Variants in AXDND1 observed in about 807,000 individuals in gnomAD.
AXDND1 encodes the protein axonemal dynein light chain domain-containing protein 1.
Under a neutral mutation model 137.5 loss-of-function variants are expected in AXDND1, and 110 were observed. That is an observed-to-expected ratio of 0.80 (90% confidence interval 0.69 to 0.94). AXDND1 has a LOEUF of 0.94. AXDND1 is among the 40% of genes least tolerant of loss of function. The pLI is 0.00. For missense variants in AXDND1, 1,191 were observed against 1,169.8 expected (o/e 1.02, Z -0.26); for synonymous variants, 414 against 399.7 (o/e 1.04, Z -0.43).
chr1:179,392,345 T>C (rs191284380), intron 9 of AXDND1, among the ~76,000 whole-genome samples: 102 of 152,380 alleles, frequency 6.7e-4, no homozygotes, highest in African/African-American at 2.4e-3. Context: ...ATAGTGTGTA[T>C]ATACCACATT....
intron 12 of AXDND1, among the ~76,000 whole-genome samples, chr1:179,425,901 A>G (rs534730497): frequency 1.3e-5 from 2 of 148,780 alleles, no homozygotes; most frequent in South Asian, 2.1e-4. Flanking sequence ...CAGTGGCACA[A>G]TCTCGGCTCA....
rs372523633 is a variant in AXDND1 at position 179,491,546 on chromosome 1, G to C, written c.2100G>C (p.Glu700Asp). 57 of 1,599,678 alleles carry C rather than the reference G, an allele frequency of 3.6e-5. No individual in the cohort carries two copies. In the African/African-American group the frequency reaches 7.6e-4, roughly 21 times the overall value. Reference protein sequence around the residue: ...GNIELQHHMDELHISMIQWMV... With the variant: ...GNIELQHHMDDLHISMIQWMV... ...TACTCATTTTTTAACAGATGGATGA[G>C]TTACATATATCTATGATCCAGTGGA... The change falls in exon 19 of 26, where the codon GAG (glutamate) becomes GAC (aspartate). Residue 700 changes from glutamate (E) to aspartate (D), a missense_variant. Glu to Asp is a conservative substitution (Grantham distance 45). Transcript: ENST00000367618.
chr1:179,482,439 C>T (rs1027019099), intron 17 of AXDND1, among the ~76,000 whole-genome samples: 1 of 152,116 alleles, frequency 6.6e-6, no homozygotes, highest in African/African-American at 2.4e-5. Flanking sequence ...CTAGACTCAA[C>T]ACCAGATAGC....
chr1:179,534,086 G>A (rs1671286080), intron 24 of AXDND1, among the ~76,000 whole-genome samples: 1 of 152,182 alleles, frequency 6.6e-6, no homozygotes, highest in South Asian at 2.1e-4. Flanking sequence ...GAAAGATAGA[G>A]GAAGTCAAAC....
chr1:179,459,975 TTTTC>T (rs202074491), intron 16 of AXDND1, among the ~76,000 whole-genome samples: 14,160 of 128,182 alleles, frequency 0.11, 862 homozygotes, highest in African/African-American at 0.14. Flanking sequence ...CTTTCTTTCT[TTTTC>T]TTTCTTTCTT....
chr1:179,551,245 G>A lies in AXDND1; in HGVS notation c.3032-3267G>A, dbSNP rs1008544396. On this transcript the variant is annotated intron_variant, in intron 25 of 25. Coordinates refer to ENST00000367618, the MANE Select transcript of AXDND1 (RefSeq NM_144696.6). ...GTTTGGAAGGACTTGGGAAGGGGAG[G>A]CTTCCCTGAGTTCTGTTGCTGGGAG... 5 of 1,614,096 alleles carry A rather than the reference G, an allele frequency of 3.1e-6. No individual in the cohort carries two copies. The highest frequency in any genetic ancestry group is 4.2e-6 in the Non-Finnish European group (5 of 1,179,994).
In AXDND1 at chr1:179,368,804, TC is replaced by T. The variant is rs750527124; in HGVS notation, c.104del (p.Pro35LeufsTer3). 2 of 1,607,436 alleles carry T rather than the reference TC, an allele frequency of 1.2e-6. No individual in the cohort carries two copies. The highest frequency in any genetic ancestry group is 2.2e-5 in the South Asian group (2 of 90,166). On this transcript the variant is annotated frameshift_variant, in exon 3 of 26. Transcript: ENST00000367618. LOFTEE classifies it high-confidence loss of function. ...TCTTTTCCACTACTTACTTAGGACTTCCTGAGCTAAAGGAGAAAAAAAATAT... is the reference window on the plus strand; with the variant it reads ...TCTTTTCCACTACTTACTTAGGACTTCTGAGCTAAAGGAGAAAAAAAATAT... Reference protein sequence around the residue: ...SVAKEGTRGLPELKEKKNMVD... With the variant: ...SVAKEGTRGLXELKEKKNMVD...
chr1:179,389,535 C>T (rs1053652168), intron 9 of AXDND1, among the ~76,000 whole-genome samples: 1 of 152,140 alleles, frequency 6.6e-6, no homozygotes, highest in Non-Finnish European at 1.5e-5. Flanking sequence ...CACTTGCCCA[C>T]GTCTCCCACT....
Position 179,407,851 on chromosome 1 carries a change from T to C in AXDND1, c.1110-3295T>C, listed in dbSNP as rs564073940. Among the ~76,000 whole-genome samples, 5 of 152,332 alleles carry C rather than the reference T, an allele frequency of 3.3e-5. No homozygotes were observed. In the East Asian group the frequency reaches 9.6e-4, roughly 29 times the overall value. Reference sequence around the variant, plus strand: ...ATTAAATAGGTTTTCTGTGTCTTTGTCCATCTCTTCTCTTTCCGAAACTCC... The same window carrying C: ...ATTAAATAGGTTTTCTGTGTCTTTGCCCATCTCTTCTCTTTCCGAAACTCC... On this transcript the variant is annotated intron_variant, in intron 11 of 25. Coordinates refer to ENST00000367618, the MANE Select transcript of AXDND1 (RefSeq NM_144696.6).
At chr1:179,467,759 T>G (rs375364566) in intron 16 of AXDND1, among the ~76,000 whole-genome samples, 14 of 152,310 alleles carry the variant, frequency 9.2e-5, no homozygotes, top group African/African-American at 3.4e-4. Context: ...AAGATCAAAA[T>G]TTACTGATGA....
chr1:179,447,019 T>C (rs549675271), intron 16 of AXDND1, among the ~76,000 whole-genome samples: 86 of 152,294 alleles, frequency 5.6e-4, no homozygotes, highest in Non-Finnish European at 1.0e-3. Context: ...GTATTTGAGG[T>C]ATCTATTATC....
chr1:179,546,474 C>T (rs1672655541), intron 25 of AXDND1, among the ~76,000 whole-genome samples: 2 of 151,684 alleles, frequency 1.3e-5, no homozygotes, highest in South Asian at 4.1e-4. Context: ...AAGTGGTCTC[C>T]CAAGCAGAGT....
chr1:179,417,011 T>G (rs538233453), intron 12 of AXDND1, among the ~76,000 whole-genome samples: 1 of 152,350 alleles, frequency 6.6e-6, no homozygotes, highest in Non-Finnish European at 1.5e-5. Flanking sequence ...TATTGCCTGT[T>G]TTTTGATACA....
rs571088695 is a variant in AXDND1 at position 179,378,370 on chromosome 1, T to C, written c.375-267T>C. 1.4e-3 allele frequency among the ~76,000 whole-genome samples: 211 copies of C among 152,106 alleles called. 2 individuals are homozygous for C. The highest frequency in any genetic ancestry group is 2.4e-3 in the Non-Finnish European group (166 of 67,986). On this transcript the variant is annotated intron_variant, in intron 4 of 25. Coordinates refer to ENST00000367618, the MANE Select transcript of AXDND1 (RefSeq NM_144696.6). The stretch of plus-strand genomic sequence containing the variant: ...AGCACCTAAGTGGAGGGAATAGCCA[T>C]AGGAAAGAGAATATATTTTAACCTC...
intron 17 of AXDND1, among the ~76,000 whole-genome samples, chr1:179,474,339 A>T (rs886361838): frequency 6.6e-6 from 1 of 152,316 alleles, no homozygotes; most frequent in South Asian, 2.1e-4. Context: ...GAAAATATGT[A>T]AGCCACATTG....
At chr1:179,430,634 G>C (rs768703173) in intron 14 of AXDND1, 28 bp downstream of exon 14, 3 of 1,595,372 alleles carry the variant, frequency 1.9e-6, no homozygotes, top group Non-Finnish European at 2.6e-6. Flanking sequence ...TTGTTTTTCT[G>C]ATTATACTTA....
At chr1:179,459,394 A>G (rs1192313744) in intron 16 of AXDND1, among the ~76,000 whole-genome samples, 1 of 152,144 alleles carries the variant, frequency 6.6e-6, no homozygotes, top group Non-Finnish European at 1.5e-5. Context: ...ATTAATACAT[A>G]GGATAAGATA....
intron 25 of AXDND1, among the ~76,000 whole-genome samples, chr1:179,548,112 C>T (rs1219232978): frequency 6.6e-6 from 1 of 152,180 alleles, no homozygotes; most frequent in Non-Finnish European, 1.5e-5. Context: ...AGAACAACCA[C>T]CCTGGGAGCA....
intron 7 of AXDND1, 85 bp downstream of exon 7, chr1:179,382,841 TATTAAA>T: frequency 9.3e-7 from 1 of 1,080,502 alleles, no homozygotes; most frequent in Non-Finnish European, 1.3e-6. Flanking sequence ...TAAACAAAAT[TATTAAA>T]ATTATAGCAG....
Sources: allele counts gnomAD v4.1 joint callset (sites outside exome capture counted in the v4.1 genomes callset), GRCh38; gene constraint gnomAD v4.1.1; transcripts MANE v1.5; gene names NCBI Gene and HGNC (gene_info 2026-07-23, HGNC 2026-07-21).